Variants in CEACAM1 observed in about 807,000 individuals in gnomAD.
The protein encoded by CEACAM1 is cell adhesion molecule CEACAM1.
A neutral mutation model predicts 49.1 loss-of-function variants in CEACAM1; 31 were observed. That is an observed-to-expected ratio of 0.63 (90% CI 0.47 to 0.85). CEACAM1 has a LOEUF of 0.85. Among genes scored for constraint, CEACAM1 ranks in the 40% least tolerant of loss-of-function variants. The pLI, the probability that CEACAM1 is intolerant of heterozygous loss-of-function variation, is 0.00. For missense variants in CEACAM1, 570 were observed against 645.3 expected, an observed-to-expected ratio of 0.88 and a Z score of 1.26; for synonymous variants, 244 against 247.8, an observed-to-expected ratio of 0.98 and a Z score of 0.14.
chr19:42,527,501 TGGAG>T, intron 1 of CEACAM1, 101 bp from the exon 2 acceptor site: 1 of 1,125,200 alleles, frequency 8.9e-7, no homozygotes, highest in Non-Finnish European at 1.2e-6. Context: ...CCCTCCACCT[TGGAG>T]TGTGTGTGTG....
chr19:42,526,591 A>T (rs942790615), intron 2 of CEACAM1, among the ~76,000 whole-genome samples: 1 of 152,126 alleles, frequency 6.6e-6, no homozygotes, highest in Non-Finnish European at 1.5e-5. Flanking sequence ...GGAGGCCACA[A>T]TCTAGCCCTG....
intron 5 of CEACAM1, chr19:42,515,140 G>C: frequency 1.7e-6 from 1 of 605,304 alleles, no homozygotes; most frequent in Non-Finnish European, 3.0e-6. Flanking sequence ...GCCAGATGTG[G>C]TAGTATGTAC....
At chr19:42,520,265 G>A (rs1465758824) in intron 4 of CEACAM1, among the ~76,000 whole-genome samples, 3 of 152,246 alleles carry the variant, frequency 2.0e-5, no homozygotes, top group Non-Finnish European at 2.9e-5. Context: ...CCCATGTGCT[G>A]TGCCCACAGC....
Position 42,512,469 on chromosome 19 carries a change from T to A in CEACAM1, c.1257A>T (p.Leu419=), listed in dbSNP as rs766277317. 4 of 1,613,904 alleles carry A rather than the reference T, an allele frequency of 2.5e-6. No individual in the cohort carries two copies. In the African/African-American group the frequency reaches 5.3e-5, roughly 22 times the overall value. ...PIMLNVNYNA[L]PQENGLSPGA... The stretch of plus-strand genomic sequence containing the variant: ...CAGGTGAGAGGCCATTTTCTTGTGG[T>A]AGAGCATTATCTGTCATGGAGAGAA... The change falls in exon 6 of 9, where the codon CTA becomes CTT. Residue 419 remains leucine (L), a synonymous_variant. Coordinates refer to ENST00000161559, the MANE Select transcript of CEACAM1 (RefSeq NM_001712.5).
intron 6 of CEACAM1, 29 bp from the exon 7 acceptor site, chr19:42,511,657 T>TA: frequency 6.2e-7 from 1 of 1,608,022 alleles, no homozygotes; most frequent in South Asian, 1.1e-5. Flanking sequence ...CTGTGACTGC[T>TA]ATTCCCAAGC....
chr19:42,526,492 C>T (rs1179139643), intron 2 of CEACAM1, among the ~76,000 whole-genome samples: 1 of 152,206 alleles, frequency 6.6e-6, no homozygotes, highest in East Asian at 1.9e-4. Context: ...CCAAATGAGG[C>T]TCTAGTGCCT....
rs749122013 is a variant in CEACAM1, at chr19:42,521,556, A to T, written c.704-35T>A. On this transcript the variant is annotated intron_variant, in intron 3 of 8. Coordinates refer to ENST00000161559, the MANE Select transcript of CEACAM1 (RefSeq NM_001712.5). ...AGAGAATAAAGCCACAGGTGATGTC[A>T]TCAGAGGGAAGGGGAAGCTGCTGGT... is the stretch of plus-strand genomic sequence containing the variant. The T allele has an allele frequency of 5.0e-6, 8 of 1,600,010 alleles. No homozygotes were observed. In the South Asian group the frequency reaches 9.0e-5, roughly 18 times the overall value.
intron 5 of CEACAM1, chr19:42,516,941 A>G: frequency 5.2e-6 from 2 of 384,842 alleles, no homozygotes; most frequent in South Asian, 1.9e-5. Context: ...AACAAAATCC[A>G]AAAGCTACAG....
At chr19:42,524,785 T>C (rs1472208172) in intron 2 of CEACAM1, among the ~76,000 whole-genome samples, 1 of 152,084 alleles carries the variant, frequency 6.6e-6, no homozygotes, top group Non-Finnish European at 1.5e-5. Flanking sequence ...TAAGTGACCT[T>C]AGAGACCCCA....
intron 8 of CEACAM1, among the ~76,000 whole-genome samples, chr19:42,510,530 A>C (rs112763481): frequency 2.0e-5 from 3 of 152,362 alleles, no homozygotes; most frequent in African/African-American, 7.2e-5. Flanking sequence ...TTTTTAGGCC[A>C]TTGTGCTGGG....
In CEACAM1 at chr19:42,508,975, C is replaced by A. The variant is rs750546993; in HGVS notation, c.*134G>T. The A allele has an allele frequency of 5.7e-5, 58 of 1,012,886 alleles. No homozygotes were observed. Among genetic ancestry groups the A allele is most frequent in the Non-Finnish European group, 7.8e-5 (53 of 680,954 alleles). 62.7% of individuals were successfully genotyped at this position (1,012,886 alleles called of 1,614,324 possible). ...CAGTGACCAGGCAGCCTGGAGATGCCTATTAGGAAGGAAGAGTAGGAGAAA... is the reference window on the plus strand; with the variant it reads ...CAGTGACCAGGCAGCCTGGAGATGCATATTAGGAAGGAAGAGTAGGAGAAA... On this transcript the variant is annotated 3_prime_UTR_variant, in exon 9 of 9. Coordinates refer to ENST00000161559, the MANE Select transcript of CEACAM1 (RefSeq NM_001712.5).
Position 42,527,151 on chromosome 19 carries a change from G to C in CEACAM1, c.314C>G (p.Ala105Gly). 1 of 1,614,192 alleles carries C rather than the reference G, an allele frequency of 6.2e-7. No homozygotes were observed. The highest frequency in any genetic ancestry group is 1.7e-5 in the Admixed American group (1 of 60,026). The change falls in exon 2 of 9, where the codon GCA (alanine) becomes GGA (glycine). Residue 105 changes from alanine to glycine, a missense_variant. Coordinates refer to ENST00000161559, the MANE Select transcript of CEACAM1 (RefSeq NM_001712.5). ...GGTGACGTTCTGGATCAGCAGGGAT[G>C]CATTGGGGTATATTGTCTCTCGACC... The part of the protein sequence containing the change: ...NSGRETIYPN[A>G]SLLIQNVTQN...
chr19:42,511,688 G>A, intron 6 of CEACAM1, 60 bp from the exon 7 acceptor site: 3 of 1,525,474 alleles, frequency 2.0e-6, no homozygotes, highest in East Asian at 2.2e-5. Context: ...TGTTCCGTAA[G>A]TTAGGAAGGA....
In CEACAM1 at chr19:42,527,229, A is replaced by G; in HGVS notation, c.236T>C (p.Ile79Thr). ...KGERVDGNRQ[I>T]VGYAIGTQQA... The stretch of plus-strand genomic sequence containing the variant: ...TTGAGTTCCTATTGCATATCCTACA[A>G]TTTGACGGTTGCCATCCACTCTTTC... The change falls in exon 2 of 9, where the codon ATT (isoleucine) becomes ACT (threonine). Residue 79 changes from isoleucine (I) to threonine (T), a missense_variant. Coordinates refer to ENST00000161559, the MANE Select transcript of CEACAM1 (RefSeq NM_001712.5). 1.2e-6 allele frequency: 2 copies of G among 1,614,038 alleles called. No homozygotes were observed. Among genetic ancestry groups the G allele is most frequent in the Non-Finnish European group, 1.7e-6 (2 of 1,180,004 alleles).
intron 5 of CEACAM1, among the ~76,000 whole-genome samples, chr19:42,515,949 A>G (rs2041590255): frequency 6.6e-6 from 1 of 152,192 alleles, no homozygotes; most frequent in Non-Finnish European, 1.5e-5. Flanking sequence ...AGTAATGAAA[A>G]TGAGTCGATA....
rs781459164 is a variant in CEACAM1 at position 42,512,400 on chromosome 19, A to T, written c.1326T>A (p.Ala442=). 1.2e-6 allele frequency: 2 copies of T among 1,614,200 alleles called. No individual in the cohort carries two copies. The highest frequency in any genetic ancestry group is 3.3e-5 in the Admixed American group (2 of 60,028). The change falls in exon 6 of 9, where the codon GCT becomes GCA. Residue 442 remains alanine (A), a synonymous_variant. Transcript: ENST00000161559. ...AACATGCCAGGGCTACTGCTATCAGAGCAACCAGGGCCACTACTCCAATCA... is the reference window on the plus strand; with the variant it reads ...AACATGCCAGGGCTACTGCTATCAGTGCAACCAGGGCCACTACTCCAATCA... ...GIVIGVVALV[A]LIAVALACFL... is the part of the protein sequence containing the mutation.
chr19:42,520,945 A>C, intron 4 of CEACAM1: 1 of 327,174 alleles, frequency 3.1e-6, no homozygotes, highest in Non-Finnish European at 5.7e-6. Flanking sequence ...AGAAAGGGAC[A>C]TGTTAGTGAC....
intron 6 of CEACAM1, 82 bp from the exon 7 acceptor site, chr19:42,511,710 G>T: frequency 7.3e-7 from 1 of 1,363,990 alleles, no homozygotes; most frequent in Non-Finnish European, 1.0e-6. Context: ...ACTGTGAGCA[G>T]GTAATTCCTT....
chr19:42,516,885 AAC>A, intron 5 of CEACAM1: 2 of 423,226 alleles, frequency 4.7e-6, no homozygotes, highest in South Asian at 3.4e-5. Flanking sequence ...AAAGCAAAAA[AAC>A]AAAACAAAAC....
Sources: allele counts gnomAD v4.1 joint callset (sites outside exome capture counted in the v4.1 genomes callset), GRCh38; gene constraint gnomAD v4.1.1; transcripts MANE v1.5; gene names NCBI Gene and HGNC (gene_info 2026-07-23, HGNC 2026-07-21).